Variants in MYT1L observed in about 807,000 individuals in gnomAD.
MYT1L encodes myelin transcription factor 1-like protein.
Under a neutral mutation model 126.7 loss-of-function variants are expected in MYT1L, and 12 were observed. The observed-to-expected ratio is 0.09, with a 90% CI of 0.06 to 0.15. The LOEUF is 0.15. MYT1L is among the 10% of genes least tolerant of loss of function. The probability of loss-of-function intolerance (pLI) is 1.00; values close to 1 mark genes in which losing one functional copy is unlikely to be tolerated. For synonymous variants in MYT1L, 541 were observed against 604.2 expected (o/e 0.90, Z 1.53); for missense variants, 979 against 1,585.2 (o/e 0.62, Z 6.49).
intron 19 of MYT1L, among the ~76,000 whole-genome samples, chr2:1,844,612 C>T (rs2042251699): frequency 2.0e-5 from 3 of 152,138 alleles, no homozygotes; most frequent in South Asian, 4.1e-4. Flanking sequence ...GTCTGTGCTT[C>T]GGCTTCCTTG....
At chr2:1,860,985 T>TCA (rs35080379) in intron 18 of MYT1L, among the ~76,000 whole-genome samples, 24,093 of 151,396 alleles carry the variant, frequency 0.16, 2,171 homozygotes, top group East Asian at 0.34. Context: ...ACTGCTCACC[T>TCA]CACACACACA....
At position 2,256,517 on chromosome 2, in the gene MYT1L, C is replaced by T. The variant is rs1368372615; in HGVS notation, c.-421+27887G>A. Among the ~76,000 whole-genome samples, 3 of 152,308 alleles carry T rather than the reference C, an allele frequency of 2.0e-5. No homozygotes were observed. The East Asian group carries it at 5.8e-4, about 29-fold the overall frequency. ...GGAACCATCTGGCTCTAAGGTCAAA[C>T]ATATTTACTATCTGCCTTTTAAGGA... is the stretch of plus-strand genomic sequence containing the variant. On this transcript the variant is annotated intron_variant, in intron 2 of 24. Transcript: ENST00000647738.
At chr2:1,839,096 T>C (rs1309543215) in intron 21 of MYT1L, 53 bp downstream of exon 21, 14 of 1,488,244 alleles carry the variant, frequency 9.4e-6, no homozygotes, top group Middle Eastern at 4.4e-4. Context: ...GCCGTGCCAG[T>C]CGGCTCTCGG....
chr2:1,961,428 T>G (rs2058949801), intron 8 of MYT1L, among the ~76,000 whole-genome samples: 1 of 152,150 alleles, frequency 6.6e-6, no homozygotes, highest in Non-Finnish European at 1.5e-5. Flanking sequence ...TGTGCCACAG[T>G]GAGCTGTATC....
intron 2 of MYT1L, among the ~76,000 whole-genome samples, chr2:2,177,760 A>G (rs967136841): frequency 2.0e-5 from 3 of 152,216 alleles, no homozygotes; most frequent in Non-Finnish European, 4.4e-5. Flanking sequence ...AGCATGGGGT[A>G]GGGGTAAACC....
intron 3 of MYT1L, among the ~76,000 whole-genome samples, chr2:2,107,418 G>A (rs950139008): frequency 6.6e-6 from 1 of 152,190 alleles, no homozygotes; most frequent in Middle Eastern, 3.2e-3. Flanking sequence ...GCCAGAAGTT[G>A]TCAGAAACCA....
chr2:2,131,641 T>C (rs969761253), intron 3 of MYT1L, among the ~76,000 whole-genome samples: 5 of 152,068 alleles, frequency 3.3e-5, no homozygotes, highest in Non-Finnish European at 7.4e-5. Context: ...GGTGGGGCCA[T>C]GGACACAATA....
At chr2:2,020,348 T>G (rs940020846) in intron 4 of MYT1L, among the ~76,000 whole-genome samples, 22 of 152,308 alleles carry the variant, frequency 1.4e-4, no homozygotes, top group African/African-American at 5.1e-4. Context: ...TTCTCAAGGG[T>G]AGAGATTTAT....
intron 4 of MYT1L, among the ~76,000 whole-genome samples, chr2:2,006,121 T>C (rs1252012759): frequency 6.6e-6 from 1 of 152,246 alleles, no homozygotes; most frequent in African/African-American, 2.4e-5. Context: ...CCTCCATGCG[T>C]TGTTTCCTGC....
At chr2:2,276,914 G>A (rs903894941) in intron 2 of MYT1L, among the ~76,000 whole-genome samples, 5 of 152,246 alleles carry the variant, frequency 3.3e-5, no homozygotes, top group South Asian at 2.1e-4. Flanking sequence ...GCTTGACCAC[G>A]GCACCACACA....
rs912203982 is a variant in MYT1L, at chr2:2,228,596, G to A, written c.-420-55608C>T. 3.9e-5 allele frequency among the ~76,000 whole-genome samples: 6 copies of A among 151,956 alleles called. No homozygotes were observed. The highest frequency in any genetic ancestry group is 8.8e-5 in the Non-Finnish European group (6 of 67,976). On this transcript the variant is annotated intron_variant, in intron 2 of 24. Transcript: ENST00000647738. This position sits in a 1 kb window ranked among gnomAD's most constrained non-coding sequence, Gnocchi z 5.9. ...AAATTCTTGAGTTGAAAGATTAAAA[G>A]CAAAAATTTTAAGCTAATAATATAA...
intron 18 of MYT1L, among the ~76,000 whole-genome samples, chr2:1,861,634 G>A (rs1050164989): frequency 3.4e-4 from 51 of 150,472 alleles, no homozygotes; most frequent in Non-Finnish European, 6.8e-4. Flanking sequence ...CCTGCAGCCT[G>A]TGTAATCCTG....
intron 2 of MYT1L, among the ~76,000 whole-genome samples, chr2:2,211,803 C>CAAAAAAAAAAAAAAAAAAAAAACAAAAAA (rs35770675): frequency 1.7e-5 from 1 of 59,738 alleles, no homozygotes; most frequent in African/African-American, 6.2e-5. Context: ...GACTCCATGT[C>CAAAAAAAAAAAAAAAAAAAAAACAAAAAA]AAAAAAAAAA....
chr2:2,047,616 G>A (rs2068346960), intron 4 of MYT1L, among the ~76,000 whole-genome samples: 1 of 152,146 alleles, frequency 6.6e-6, no homozygotes, highest in African/African-American at 2.4e-5. Context: ...AAATTTAAAA[G>A]CTCAACACCG....
intron 3 of MYT1L, among the ~76,000 whole-genome samples, chr2:2,118,267 A>C (rs1240823357): frequency 6.6e-6 from 1 of 152,102 alleles, no homozygotes; most frequent in East Asian, 1.9e-4. Flanking sequence ...ACCATCTTAG[A>C]TATTTAATAT....
chr2:2,049,847 C>T (rs912749545), intron 4 of MYT1L, among the ~76,000 whole-genome samples: 7 of 152,310 alleles, frequency 4.6e-5, no homozygotes, highest in Non-Finnish European at 8.8e-5. Context: ...GAGGCCTCCT[C>T]AGCCATGTGG....
intron 5 of MYT1L, among the ~76,000 whole-genome samples, chr2:1,987,238 G>A (rs577501783): frequency 4.6e-5 from 7 of 152,110 alleles, no homozygotes; most frequent in South Asian, 2.1e-4. Context: ...CTGTTCCATC[G>A]GGTTCTTGGT....
chr2:2,054,189 A>C (rs946073261), intron 3 of MYT1L, 66 bp from the exon 4 acceptor site: 1 of 152,698 alleles, frequency 6.5e-6, no homozygotes, highest in African/African-American at 2.4e-5. Context: ...ACTCTACTTG[A>C]GGGACGTGAT....
At chr2:2,196,679 A>G (rs1414048984) in intron 2 of MYT1L, among the ~76,000 whole-genome samples, 4 of 151,984 alleles carry the variant, frequency 2.6e-5, no homozygotes, top group African/African-American at 9.7e-5. Flanking sequence ...TGGTAAAACT[A>G]CCCTTGATAT....
Sources: allele counts gnomAD v4.1 joint callset (sites outside exome capture counted in the v4.1 genomes callset), GRCh38; gene constraint gnomAD v4.1.1; non-coding constraint Gnocchi (gnomAD v3.1); transcripts MANE v1.5; gene names NCBI Gene and HGNC (gene_info 2026-07-23, HGNC 2026-07-21).